LRRC69: variants seen among roughly 807,000 people sequenced by gnomAD.
The protein encoded by LRRC69 is leucine rich repeat containing 69.
A neutral mutation model predicts 37.8 loss-of-function variants in LRRC69; 42 were observed. The observed-to-expected ratio is 1.11, with a 90% CI of 0.87 to 1.44. LRRC69 has a LOEUF of 1.44. Ranked by LOEUF, LRRC69 falls within the 40% of genes most tolerant of loss-of-function variation. LRRC69 has a pLI of 0.00. For synonymous variants in LRRC69, 141 were observed against 143.1 expected, an observed-to-expected ratio of 0.99 and a Z score of 0.11; for missense variants, 357 against 401.9, an observed-to-expected ratio of 0.89 and a Z score of 0.96.
intron 5 of LRRC69, among the ~76,000 whole-genome samples, chr8:91,180,210 C>T (rs1809300813): frequency 6.6e-6 from 1 of 152,086 alleles, no homozygotes; most frequent in East Asian, 1.9e-4. Flanking sequence ...GGTTCTAGCT[C>T]AGGGTCTCTC....
chr8:91,137,164 T>TA (rs1444945055), intron 5 of LRRC69, among the ~76,000 whole-genome samples: 1 of 151,714 alleles, frequency 6.6e-6, no homozygotes, highest in Non-Finnish European at 1.5e-5. Context: ...GAATGTTTAG[T>TA]AAAAATTGGA....
chr8:91,188,384 G>A (rs1420507560), intron 5 of LRRC69, among the ~76,000 whole-genome samples: 1 of 152,182 alleles, frequency 6.6e-6, no homozygotes, highest in African/African-American at 2.4e-5. Context: ...AGATGCAGTG[G>A]TGTGGAGCCA....
At chr8:91,112,605 A>G (rs966071358) in intron 1 of LRRC69, among the ~76,000 whole-genome samples, 3 of 152,088 alleles carry the variant, frequency 2.0e-5, no homozygotes, top group African/African-American at 7.2e-5. Context: ...TATAGGCTAT[A>G]TATGAGACTC....
At chr8:91,161,392 G>A (rs190277798) in intron 5 of LRRC69, among the ~76,000 whole-genome samples, 1 of 151,292 alleles carries the variant, frequency 6.6e-6, no homozygotes, top group Non-Finnish European at 1.5e-5. Context: ...AAGTTTGATA[G>A]AATTTAGCAG....
chr8:91,114,684 A>G (rs1165541262), intron 1 of LRRC69, among the ~76,000 whole-genome samples: 1 of 152,060 alleles, frequency 6.6e-6, no homozygotes, highest in African/African-American at 2.4e-5. Flanking sequence ...GCCTAAGAGC[A>G]ATAGACTATA....
At chr8:91,149,180 T>A (rs1262156513) in intron 5 of LRRC69, among the ~76,000 whole-genome samples, 3 of 151,960 alleles carry the variant, frequency 2.0e-5, no homozygotes, top group Admixed American at 6.6e-5. Flanking sequence ...CTGAATGGTA[T>A]TGCCTAGGTT....
intron 5 of LRRC69, among the ~76,000 whole-genome samples, chr8:91,143,242 C>T (rs562094574): frequency 1.0e-3 from 153 of 152,098 alleles, no homozygotes; most frequent in African/African-American, 3.1e-3. Context: ...ATGTTACTTT[C>T]GTTTCTGAGT....
intron 1 of LRRC69, chr8:91,118,099 A>G: frequency 2.2e-6 from 1 of 445,922 alleles, no homozygotes; most frequent in African/African-American, 2.0e-5. Context: ...TTAAATATAG[A>G]TAGCTAGATC....
intron 5 of LRRC69, among the ~76,000 whole-genome samples, chr8:91,153,516 C>G (rs1271727014): frequency 6.6e-6 from 1 of 152,056 alleles, no homozygotes; most frequent in Non-Finnish European, 1.5e-5. Context: ...CAAACAGTCT[C>G]TCAGACCGCT....
intron 1 of LRRC69, among the ~76,000 whole-genome samples, chr8:91,108,281 CCAAT>C (rs1813354115): frequency 6.6e-6 from 1 of 152,102 alleles, no homozygotes; most frequent in South Asian, 2.1e-4. Context: ...ACCCTTTAAC[CCAAT>C]CAACTTCATT....
At chr8:91,189,224 C>T (rs1285558904) in intron 5 of LRRC69, among the ~76,000 whole-genome samples, 1 of 152,052 alleles carries the variant, frequency 6.6e-6, no homozygotes, top group African/African-American at 2.4e-5. Context: ...TATTCTATTA[C>T]TAACCAGTTC....
chr8:91,116,224 A>G (rs1813508358), intron 1 of LRRC69, among the ~76,000 whole-genome samples: 1 of 152,108 alleles, frequency 6.6e-6, no homozygotes, highest in East Asian at 1.9e-4. Context: ...GGCCTAAAAG[A>G]TTACCATTTA....
intron 6 of LRRC69, among the ~76,000 whole-genome samples, chr8:91,198,700 T>A (rs1403374182): frequency 6.6e-6 from 1 of 152,148 alleles, no homozygotes; most frequent in Non-Finnish European, 1.5e-5. Flanking sequence ...TTTTGAAATA[T>A]TTTTATAGAC....
chr8:91,198,844 A>G (rs1012652800), intron 6 of LRRC69, among the ~76,000 whole-genome samples: 2 of 152,194 alleles, frequency 1.3e-5, no homozygotes, highest in African/African-American at 4.8e-5. Flanking sequence ...GGTCATGCCA[A>G]TAGTATTTTA....
At chr8:91,157,492 C>G (rs1808857690) in intron 5 of LRRC69, 2 of 1,580,712 alleles carry the variant, frequency 1.3e-6, no homozygotes, top group Non-Finnish European at 1.7e-6. Context: ...AAATTGGAGA[C>G]AGAAAGATGT....
At chr8:91,171,610 G>A (rs7823844) in intron 5 of LRRC69, among the ~76,000 whole-genome samples, 103,903 of 151,872 alleles carry the variant, frequency 0.68, 36,173 homozygotes, top group African/African-American at 0.76. Flanking sequence ...GCCCTGGGAA[G>A]ATCATATCCA....
At chr8:91,197,149 T>C (rs1039687911) in intron 6 of LRRC69, among the ~76,000 whole-genome samples, 4 of 152,170 alleles carry the variant, frequency 2.6e-5, no homozygotes, top group Admixed American at 2.0e-4. Context: ...CCAGTTAGGC[T>C]ACTCGGGGGT....
chr8:91,133,820 G>C (rs1470578830), intron 4 of LRRC69, among the ~76,000 whole-genome samples: 1 of 151,812 alleles, frequency 6.6e-6, no homozygotes, highest in Non-Finnish European at 1.5e-5. Flanking sequence ...ATTTAGTAGA[G>C]ACGGGGCTTC....
At chr8:91,197,414 G>C (rs933974659) in intron 6 of LRRC69, among the ~76,000 whole-genome samples, 2 of 152,178 alleles carry the variant, frequency 1.3e-5, no homozygotes, top group African/African-American at 2.4e-5. Flanking sequence ...AATCAAGCCT[G>C]GCCAATGGCG....
Sources: allele counts gnomAD v4.1 joint callset (sites outside exome capture counted in the v4.1 genomes callset), GRCh38; gene constraint gnomAD v4.1.1; transcripts MANE v1.5; gene names NCBI Gene and HGNC (gene_info 2026-07-23, HGNC 2026-07-21).